The following CDR2 variants were observed in gnomAD, a reference collection of about 807,000 sequenced individuals.
CDR2 encodes the protein cerebellar degeneration-related protein 2.
CDR2 carries 34 observed loss-of-function variants against 48.4 expected under a neutral mutation model. That is an observed-to-expected ratio of 0.70 (90% CI 0.53 to 0.94). The LOEUF is 0.94. CDR2 is among the 40% of genes least tolerant of loss of function. The pLI, the probability that CDR2 is intolerant of heterozygous loss-of-function variation, is 0.00. For missense variants in CDR2, 498 were observed against 549.5 expected, an observed-to-expected ratio of 0.91 and a Z score of 0.94; for synonymous variants, 240 against 219.7, an observed-to-expected ratio of 1.09 and a Z score of -0.82.
chr16:22,360,451 TAGG>T (rs2141849120), intron 2 of CDR2, among the ~76,000 whole-genome samples: 1 of 152,312 alleles, frequency 6.6e-6, no homozygotes, highest in South Asian at 2.1e-4. Flanking sequence ...GATCAATTTT[TAGG>T]AGGATTGTTT....
In CDR2 at chr16:22,349,133, T is replaced by C. The variant is rs537121213; in HGVS notation, c.506+146A>G. The C allele has an allele frequency of 5.9e-4, 449 of 763,394 alleles. 2 individuals are homozygous for C. In the African/African-American group the frequency reaches 6.0e-3, roughly 10 times the overall value. The allele number at this position is 763,394 out of a possible 1,614,324, so 47.3% of individuals were successfully genotyped here. ...ATATCTAAGAACTCTGTAATTTATA[T>C]GTTTAAGTGATTTTGTTCAAACCAA... On this transcript the variant is annotated intron_variant, in intron 4 of 4. Transcript: ENST00000268383.
chr16:22,374,239 A>G lies in CDR2; in HGVS notation c.71T>C (p.Leu24Pro). 1 of 1,598,638 alleles carries G rather than the reference A, an allele frequency of 6.3e-7. No individual in the cohort carries two copies. The highest frequency in any genetic ancestry group is 1.4e-5 in the African/African-American group (1 of 73,020). ...GGCGCCCCCGCCCTCACCTTGCTGG[A>G]GGTCCTGGTGGTCGTACCACGGCTC... ...EDEPWYDHQD[L>P]QQDLQLAAEL... Residue 24 changes from leucine to proline, a missense_variant, in exon 1 of 5, where the codon CTC (leucine) becomes CCC (proline). Coordinates refer to ENST00000268383, the MANE Select transcript of CDR2 (RefSeq NM_001802.2).
intron 2 of CDR2, among the ~76,000 whole-genome samples, chr16:22,360,715 A>G (rs948886103): frequency 3.3e-5 from 2 of 60,190 alleles, no homozygotes; most frequent in Admixed American, 1.6e-4. Flanking sequence ...TCAACTATAT[A>G]TTTTTCTGAA....
At chr16:22,349,098 A>G in intron 4 of CDR2, 181 bp downstream of exon 4, 1 of 589,620 alleles carries the variant, frequency 1.7e-6, no homozygotes, top group Non-Finnish European at 3.0e-6. Context: ...TTTCAAAATG[A>G]GAACTACTAA....
At chr16:22,356,351 C>T (rs1428969376) in intron 2 of CDR2, among the ~76,000 whole-genome samples, 1 of 152,240 alleles carries the variant, frequency 6.6e-6, no homozygotes, top group Non-Finnish European at 1.5e-5. Context: ...GGTGCTGTGG[C>T]TCATGGCTGT....
At chr16:22,360,565 T>C (rs961301257) in intron 2 of CDR2, among the ~76,000 whole-genome samples, 2 of 152,028 alleles carry the variant, frequency 1.3e-5, no homozygotes, top group African/African-American at 2.4e-5. Context: ...GTCAGAATCT[T>C]AGGGATCTTG....
intron 4 of CDR2, 168 bp downstream of exon 4, chr16:22,349,104 ACTAATAT>A (rs1275488987): frequency 4.0e-5 from 25 of 622,058 alleles, no homozygotes; most frequent in Non-Finnish European, 5.6e-5. Flanking sequence ...AATGAGAACT[ACTAATAT>A]CTAAGAACTC....
chr16:22,362,190 C>T (rs891293178), intron 2 of CDR2, among the ~76,000 whole-genome samples: 13 of 152,144 alleles, frequency 8.5e-5, no homozygotes, highest in Non-Finnish European at 1.0e-4. Flanking sequence ...CGTGAGCCAC[C>T]GCACCCGGCT....
At chr16:22,361,278 GC>G (rs1419919019) in intron 2 of CDR2, among the ~76,000 whole-genome samples, 4 of 152,120 alleles carry the variant, frequency 2.6e-5, no homozygotes, top group Non-Finnish European at 5.9e-5. Context: ...TAGGATTTAT[GC>G]CCTTTTCTGT....
intron 1 of CDR2, among the ~76,000 whole-genome samples, chr16:22,370,636 C>A (rs1567350916): frequency 2.0e-5 from 3 of 152,202 alleles, no homozygotes; most frequent in African/African-American, 7.2e-5. Context: ...AGTATTCCTA[C>A]TGAGCCAACT....
chr16:22,370,677 CAA>C (rs1038796874), intron 1 of CDR2, among the ~76,000 whole-genome samples: 9 of 152,164 alleles, frequency 5.9e-5, no homozygotes, highest in Non-Finnish European at 1.0e-4. Flanking sequence ...GTCTCTTCAT[CAA>C]AGAGTTTTGT....
At chr16:22,363,440 T>C (rs1330386441) in intron 2 of CDR2, among the ~76,000 whole-genome samples, 1 of 152,252 alleles carries the variant, frequency 6.6e-6, no homozygotes, top group African/African-American at 2.4e-5. Flanking sequence ...GTAAAATTAA[T>C]GGATACTGAG....
At chr16:22,355,244 A>AT (rs1248684530) in intron 2 of CDR2, among the ~76,000 whole-genome samples, 2 of 152,152 alleles carry the variant, frequency 1.3e-5, no homozygotes, top group East Asian at 1.9e-4. Flanking sequence ...TTAGCTATTG[A>AT]TTTTTTTAAA....
chr16:22,368,221 T>G (rs1195960529), intron 1 of CDR2, among the ~76,000 whole-genome samples: 1 of 152,236 alleles, frequency 6.6e-6, no homozygotes, highest in Non-Finnish European at 1.5e-5. Context: ...TATTTATTTT[T>G]TTTGAGATGG....
At chr16:22,356,506 A>G (rs1483226588) in intron 2 of CDR2, among the ~76,000 whole-genome samples, 1 of 152,114 alleles carries the variant, frequency 6.6e-6, no homozygotes, top group Non-Finnish European at 1.5e-5. Context: ...TAATCCCAGC[A>G]CTTTGGGAGG....
intron 2 of CDR2, among the ~76,000 whole-genome samples, chr16:22,363,117 T>C (rs949420007): frequency 2.0e-5 from 3 of 152,096 alleles, no homozygotes; most frequent in African/African-American, 7.2e-5. Context: ...ATTTTTTGTA[T>C]TTTTAGTACA....
At chr16:22,360,835 C>T (rs747769197) in intron 2 of CDR2, among the ~76,000 whole-genome samples, 3 of 149,104 alleles carry the variant, frequency 2.0e-5, no homozygotes, top group East Asian at 2.0e-4. Context: ...CTGTGACCTC[C>T]GCCCTGCAGG....
chr16:22,374,245 T>C lies in CDR2; in HGVS notation c.65A>G (p.Gln22Arg), dbSNP rs755098811. ...CCCGCCCTCACCTTGCTGGAGGTCC[T>C]GGTGGTCGTACCACGGCTCGTCCTC... The part of the protein sequence containing the change: ...MKEDEPWYDH[Q>R]DLQQDLQLAA... The change falls in exon 1 of 5, where the codon CAG becomes CGG. Residue 22 changes from glutamine (Q) to arginine (R), a missense_variant. Gln to Arg is a conservative substitution (Grantham distance 43). Coordinates refer to ENST00000268383, the MANE Select transcript of CDR2 (RefSeq NM_001802.2). 2.1e-5 allele frequency: 34 copies of C among 1,601,678 alleles called. No homozygotes were observed. In the Admixed American group the frequency reaches 5.6e-4, roughly 26 times the overall value.
At chr16:22,364,832 C>A in intron 2 of CDR2, 70 bp downstream of exon 2, 1 of 837,084 alleles carries the variant, frequency 1.2e-6, no homozygotes, top group Non-Finnish European at 2.0e-6. Context: ...GCTTTTTTAC[C>A]AGTATGTGAT....
Sources: gnomAD v4.1 joint callset for allele counts (sites outside exome capture counted in the v4.1 genomes callset) on GRCh38, gnomAD v4.1.1 for gene constraint, MANE v1.5 for transcripts, NCBI Gene and HGNC (gene_info 2026-07-23, HGNC 2026-07-21) for gene names.